Variants in FAM117B observed in about 807,000 individuals in gnomAD.
FAM117B encodes family with sequence similarity 117 member B, also known as protein FAM117B.
In FAM117B, 22 loss-of-function variants were observed where a neutral mutation model predicts 52.8. The ratio of observed to expected loss-of-function variants is 0.42; its 90% CI spans 0.30 to 0.59. The LOEUF (loss-of-function observed/expected upper bound fraction) is 0.59, where lower values mean the gene tolerates loss of function less well. Ranked by LOEUF, FAM117B falls within the 20% of genes least tolerant of loss-of-function variation. The pLI is 0.22. For synonymous variants in FAM117B, 309 were observed against 324.1 expected (o/e 0.95, Z 0.50); for missense variants, 678 against 802.6 (o/e 0.84, Z 1.88).
chr2:202,666,424 TG>T (rs1172185784), intron 1 of FAM117B, among the ~76,000 whole-genome samples: 4 of 151,876 alleles, frequency 2.6e-5, no homozygotes, highest in Non-Finnish European at 5.9e-5. Flanking sequence ...ATGTACCATA[TG>T]TACAGTCATA....
rs991064819 is a variant in FAM117B, at chr2:202,769,491, C to A, written c.*3727C>A. 1 of 152,352 alleles carries A rather than the reference C, an allele frequency of 6.6e-6. No individual in the cohort carries two copies. Among genetic ancestry groups the A allele is most frequent in the African/African-American group, 2.4e-5 (1 of 41,350 alleles). 9.4% of individuals were successfully genotyped at this position (152,352 alleles called of 1,614,324 possible). On this transcript the variant is annotated 3_prime_UTR_variant, in exon 8 of 8. Transcript: ENST00000392238. ...ACCAAATTGAAGATGAGCAGAGCAG[C>A]CCTGAACAGCATTTTGTTTATACAG...
chr2:202,635,356 A>AGAGGCG lies in FAM117B; in HGVS notation c.170_171insAGGCGG (p.Ser57delinsArgGlyGly), dbSNP rs1553517684. The AGAGGCG allele has an allele frequency of 7.3e-7, 1 of 1,375,606 alleles. No individual in the cohort carries two copies. The highest frequency in any genetic ancestry group is 1.7e-5 in the South Asian group (1 of 60,374). The allele number at this position is 1,375,606 out of a possible 1,614,324, so 85.2% of individuals were successfully genotyped here. On this transcript the variant is annotated protein_altering_variant, in exon 1 of 8. Coordinates refer to ENST00000392238, the MANE Select transcript of FAM117B (RefSeq NM_173511.4). ...GCAGCAACATGGCAGCCCCACGCGG[A>AGAGGCG]GCGGCGGCGGCGGCGGCGGCAACAA...
intron 2 of FAM117B, among the ~76,000 whole-genome samples, chr2:202,706,952 T>C (rs1044735417): frequency 1.3e-5 from 2 of 152,222 alleles, no homozygotes; most frequent in African/African-American, 4.8e-5. Flanking sequence ...TCGAAATCTT[T>C]ACTACTTGGA....
chr2:202,739,396 T>C (rs1270116583), intron 4 of FAM117B, among the ~76,000 whole-genome samples: 2 of 151,316 alleles, frequency 1.3e-5, no homozygotes, highest in Admixed American at 6.6e-5. Flanking sequence ...CCTTTCCGTC[T>C]GTCTTTCTGT....
chr2:202,709,975 C>T (rs1422381431), intron 2 of FAM117B, among the ~76,000 whole-genome samples: 2 of 152,130 alleles, frequency 1.3e-5, no homozygotes, highest in African/African-American at 2.4e-5. Flanking sequence ...TCTATACTGT[C>T]CCATTGATGT....
At chr2:202,751,771 C>CAAAAAAAAAAAA (rs397868272) in intron 4 of FAM117B, among the ~76,000 whole-genome samples, 3 of 76,220 alleles carry the variant, frequency 3.9e-5, no homozygotes, top group African/African-American at 5.3e-5. Context: ...GACTCCATCT[C>CAAAAAAAAAAAA]AAAAAAAAAA....
chr2:202,769,665 G>T lies in FAM117B; in HGVS notation c.*3901G>T, dbSNP rs933143734. Reference sequence around the variant, plus strand: ...TTCCAATGGTAATCGGTATTGTTACGCTGTACTTATGTATTCCCTGTACCT... The same window carrying T: ...TTCCAATGGTAATCGGTATTGTTACTCTGTACTTATGTATTCCCTGTACCT... On this transcript the variant is annotated 3_prime_UTR_variant, in exon 8 of 8. Coordinates refer to ENST00000392238, the MANE Select transcript of FAM117B (RefSeq NM_173511.4). 3.9e-5 allele frequency: 6 copies of T among 152,438 alleles called. No individual in the cohort carries two copies. The highest frequency in any genetic ancestry group is 1.2e-4 in the African/African-American group (5 of 41,352). 9.4% of individuals were successfully genotyped at this position (152,438 alleles called of 1,614,324 possible).
chr2:202,657,661 A>C (rs1478835751), intron 1 of FAM117B, among the ~76,000 whole-genome samples: 1 of 151,202 alleles, frequency 6.6e-6, no homozygotes, highest in Non-Finnish European at 1.5e-5. Context: ...GCTAATTTAA[A>C]ATTTTTTTAG....
intron 1 of FAM117B, among the ~76,000 whole-genome samples, chr2:202,645,332 A>C (rs1308900669): frequency 6.7e-6 from 1 of 149,490 alleles, no homozygotes; most frequent in Admixed American, 6.7e-5. Flanking sequence ...GCTGTCGCCC[A>C]GGCTGGAGTG....
chr2:202,668,738 AAG>A (rs1225214815), intron 1 of FAM117B, among the ~76,000 whole-genome samples: 4 of 151,996 alleles, frequency 2.6e-5, no homozygotes, highest in Non-Finnish European at 4.4e-5. Flanking sequence ...AGAAAAAGGA[AAG>A]AAAGTAATAT....
At chr2:202,718,725 T>TG (rs1379698569) in intron 2 of FAM117B, among the ~76,000 whole-genome samples, 1 of 152,200 alleles carries the variant, frequency 6.6e-6, no homozygotes, top group Non-Finnish European at 1.5e-5. Context: ...CCTGGCCCTA[T>TG]GTGCTCCACT....
chr2:202,742,781 C>A (rs1461968433), intron 4 of FAM117B, among the ~76,000 whole-genome samples: 1 of 152,134 alleles, frequency 6.6e-6, no homozygotes, highest in Admixed American at 6.5e-5. Context: ...TAATAACCCT[C>A]GTATAAAGAA....
At chr2:202,765,128 G>T (rs1383863830) in intron 7 of FAM117B, among the ~76,000 whole-genome samples, 1 of 152,040 alleles carries the variant, frequency 6.6e-6, no homozygotes, top group Non-Finnish European at 1.5e-5. Context: ...TCCCTTGACC[G>T]TCTTAGCTCA....
chr2:202,687,662 C>A (rs1690565103), intron 1 of FAM117B, among the ~76,000 whole-genome samples: 1 of 152,186 alleles, frequency 6.6e-6, no homozygotes. Context: ...CCTCCCTCTT[C>A]AGCCTCCCAT....
intron 4 of FAM117B, among the ~76,000 whole-genome samples, chr2:202,729,399 T>C (rs892578283): frequency 2.0e-5 from 3 of 152,174 alleles, no homozygotes; most frequent in Admixed American, 2.0e-4. Context: ...TATTAAGTTA[T>C]TGTTTTGGTG....
At chr2:202,706,150 A>G (rs138254782) in intron 2 of FAM117B, among the ~76,000 whole-genome samples, 4 of 152,280 alleles carry the variant, frequency 2.6e-5, no homozygotes, top group African/African-American at 9.6e-5. Flanking sequence ...CAGCCTCCTG[A>G]GTAGTTGGGA....
chr2:202,716,678 G>A (rs554651871), intron 2 of FAM117B, among the ~76,000 whole-genome samples: 61 of 151,992 alleles, frequency 4.0e-4, no homozygotes, highest in Non-Finnish European at 7.6e-4. Flanking sequence ...TTCTAGATCC[G>A]GTAGGCATGC....
At position 202,664,886 on chromosome 2, in the gene FAM117B, C is replaced by T. The variant is rs1451607235; in HGVS notation, c.601+29098C>T. On this transcript the variant is annotated intron_variant, in intron 1 of 7. Transcript: ENST00000392238. The stretch of plus-strand genomic sequence containing the variant: ...AAATATAGCAGCTTAAAACAATATC[C>T]GTTTATTATTTCACAGTTCTGTAGG... Among the ~76,000 whole-genome samples, 5 of 152,012 alleles carry T rather than the reference C, an allele frequency of 3.3e-5. No individual in the cohort carries two copies. In the South Asian group the frequency reaches 6.2e-4, roughly 19 times the overall value.
chr2:202,721,512 G>C (rs185961376), intron 2 of FAM117B, among the ~76,000 whole-genome samples: 1 of 152,168 alleles, frequency 6.6e-6, no homozygotes, highest in Admixed American at 6.5e-5. Flanking sequence ...TGGCCTAATG[G>C]AATGAAAATA....
Sources: gnomAD v4.1 joint callset for allele counts (sites outside exome capture counted in the v4.1 genomes callset) on GRCh38, gnomAD v4.1.1 for gene constraint, MANE v1.5 for transcripts, NCBI Gene and HGNC (gene_info 2026-07-23, HGNC 2026-07-21) for gene names.